The following RNFT2 variants were observed in gnomAD, a reference collection of about 807,000 sequenced individuals.
The protein encoded by RNFT2 is ring finger protein, transmembrane 2, also known as E3 ubiquitin-protein ligase RNFT2.
Under a neutral mutation model 53.0 loss-of-function variants are expected in RNFT2, and 36 were observed. The observed-to-expected ratio is 0.68, with a 90% confidence interval of 0.52 to 0.90. RNFT2 has a LOEUF of 0.90. Ranked by LOEUF, RNFT2 falls within the 40% of genes least tolerant of loss-of-function variation. The pLI is 0.00. For missense variants in RNFT2, 514 were observed against 585.6 expected (o/e 0.88, Z 1.26); for synonymous variants, 260 against 253.2 (o/e 1.03, Z -0.26).
intron 7 of RNFT2, among the ~76,000 whole-genome samples, chr12:116,813,170 G>T (rs1029714139): frequency 6.6e-6 from 1 of 151,638 alleles, no homozygotes; most frequent in Non-Finnish European, 1.5e-5. Flanking sequence ...TGTTATCCAG[G>T]TTGGCCTTGA....
chr12:116,774,297 TTTATG>T (rs540683310), intron 6 of RNFT2, among the ~76,000 whole-genome samples: 1 of 152,156 alleles, frequency 6.6e-6, no homozygotes, highest in African/African-American at 2.4e-5. Flanking sequence ...GACGGTACCT[TTTATG>T]TTATGTGTGT....
intron 5 of RNFT2, among the ~76,000 whole-genome samples, chr12:116,762,849 T>C (rs1199981577): frequency 6.6e-6 from 1 of 152,156 alleles, no homozygotes; most frequent in Non-Finnish European, 1.5e-5. Context: ...TGACCTCAGG[T>C]GATCCGACCA....
chr12:116,759,491 C>G (rs1872615104), intron 5 of RNFT2, among the ~76,000 whole-genome samples: 1 of 152,142 alleles, frequency 6.6e-6, no homozygotes, highest in Non-Finnish European at 1.5e-5. Flanking sequence ...TGGGTAGACT[C>G]CGTCAGACGG....
At position 116,772,043 on chromosome 12, in the gene RNFT2, GT is replaced by G. The variant is rs1873224443; in HGVS notation, c.728+5130del. 4.6e-5 allele frequency among the ~76,000 whole-genome samples: 7 copies of G among 152,180 alleles called. No individual in the cohort carries two copies. In the South Asian group the frequency reaches 1.5e-3, roughly 32 times the overall value. Reference sequence around the variant, plus strand: ...TTTCCCCTGGTGCCTATACAATGCTGTCCCATAGTTGCTGCCCCATCAATAT... The same window carrying G: ...TTTCCCCTGGTGCCTATACAATGCTGCCCATAGTTGCTGCCCCATCAATAT... On this transcript the variant is annotated intron_variant, in intron 6 of 10. Transcript: ENST00000257575.
In RNFT2 at chr12:116,741,058, G is replaced by A. The variant is rs1366069484; in HGVS notation, c.47G>A (p.Arg16His). 6.8e-6 allele frequency: 11 copies of A among 1,610,774 alleles called. No homozygotes were observed. The highest frequency in any genetic ancestry group is 1.1e-5 in the South Asian group (1 of 90,286). Residue 16 changes from arginine (R) to histidine (H), a missense_variant, in exon 3 of 11, where the codon CGC becomes CAC. Coordinates refer to ENST00000257575, the MANE Select transcript of RNFT2 (RefSeq NM_001382266.1). ...VNQVLRKMQR[R>H]HSSNTDNIPP... ...TAGGTGTTAAGGAAGATGCAGAGAC[G>A]CCACAGCAGCAACACGGATAACATT...
At chr12:116,804,073 C>G (rs10735097) in intron 7 of RNFT2, among the ~76,000 whole-genome samples, 142,406 of 152,304 alleles carry the variant, frequency 0.94, 66,649 homozygotes, top group African/African-American at 0.97. Context: ...CTTCCCTAGA[C>G]GTTACCACTG....
At chr12:116,840,634 G>A (rs1877202837) in intron 10 of RNFT2, among the ~76,000 whole-genome samples, 1 of 152,144 alleles carries the variant, frequency 6.6e-6, no homozygotes, top group Non-Finnish European at 1.5e-5. Flanking sequence ...ATGCTTTGAG[G>A]GCTTATTGAG....
At chr12:116,742,404 G>A (rs887738084) in intron 3 of RNFT2, among the ~76,000 whole-genome samples, 3 of 151,732 alleles carry the variant, frequency 2.0e-5, no homozygotes, top group Non-Finnish European at 4.4e-5. Context: ...CGAGTAGCTG[G>A]GACTAAAGGC....
chr12:116,805,121 C>CTT (rs35830752), intron 7 of RNFT2, among the ~76,000 whole-genome samples: 18,703 of 143,276 alleles, frequency 0.13, 2,893 homozygotes, highest in African/African-American at 0.35. Context: ...AAGACATTGT[C>CTT]TTTTTTTTTT....
At chr12:116,816,351 A>G (rs1592975838) in intron 7 of RNFT2, among the ~76,000 whole-genome samples, 2 of 152,014 alleles carry the variant, frequency 1.3e-5, no homozygotes, top group East Asian at 3.9e-4. Context: ...TGACAGGAAG[A>G]TTTTTACTCA....
intron 7 of RNFT2, among the ~76,000 whole-genome samples, chr12:116,788,615 T>C (rs1874047893): frequency 6.6e-6 from 1 of 152,138 alleles, no homozygotes; most frequent in African/African-American, 2.4e-5. Context: ...CTCTGCTTGA[T>C]TGTAACCTCT....
rs753377670 is a variant in RNFT2 at position 116,833,921 on chromosome 12, G to A, written c.1012G>A (p.Val338Ile). The change falls in exon 8 of 11, where the codon GTT becomes ATT. Residue 338 changes from valine to isoleucine, a missense_variant. Physicochemically the swap from Val to Ile is conservative, Grantham distance 29. Transcript: ENST00000257575. ...CTACTTCCTGGGCGGGGTCCTGATC[G>A]TTCTCTACAGCCTCTGCAAGGTGAG... ...NSYFLGGVLIVLYSLCKSFDI... is the reference protein window; with the variant it reads ...NSYFLGGVLIILYSLCKSFDI... 125 of 1,610,452 alleles carry A rather than the reference G, an allele frequency of 7.8e-5. No homozygotes were observed. Among genetic ancestry groups the A allele is most frequent in the South Asian group, 7.7e-4 (70 of 90,358 alleles).
intron 5 of RNFT2, among the ~76,000 whole-genome samples, chr12:116,754,294 T>G (rs1872394800): frequency 6.6e-6 from 1 of 152,202 alleles, no homozygotes; most frequent in Non-Finnish European, 1.5e-5. Context: ...CAAGTGCTGT[T>G]AATTCATTCC....
rs73407286 is a variant in RNFT2, at chr12:116,851,024, G to C, written c.*1576G>C. The C allele has an allele frequency of 0.04, 6,121 of 152,210 alleles. 263 individuals carry two copies. Among genetic ancestry groups the C allele is most frequent in the African/African-American group, 0.11 (4,705 of 41,502 alleles). The allele number at this position is 152,210 out of a possible 1,614,324, so 9.4% of individuals were successfully genotyped here. A position where few individuals can be genotyped will look rare whatever the true frequency, so the allele number is the denominator to read the frequency against. On this transcript the variant is annotated 3_prime_UTR_variant, in exon 11 of 11. Transcript: ENST00000257575. ...ACTTCATGCGCAGCAGGCAAAGCAT[G>C]CAGCATCCTGCTTGGATTACGTGCT...
intron 7 of RNFT2, among the ~76,000 whole-genome samples, chr12:116,794,818 G>A (rs866276744): frequency 5.9e-5 from 9 of 151,968 alleles, no homozygotes; most frequent in South Asian, 2.1e-4. Flanking sequence ...CATGGAGTTC[G>A]GCTCGGCCAC....
chr12:116,752,534 C>T (rs1019889196), intron 4 of RNFT2, among the ~76,000 whole-genome samples: 1 of 152,138 alleles, frequency 6.6e-6, no homozygotes, highest in African/African-American at 2.4e-5. Flanking sequence ...AGAAATACAG[C>T]TTCTACAAAG....
Position 116,849,505 on chromosome 12 carries a change from C to G in RNFT2, c.*57C>G. 6.6e-7 allele frequency: 1 copy of G among 1,521,076 alleles called. No homozygotes were observed. The highest frequency in any genetic ancestry group is 1.2e-5 in the South Asian group (1 of 81,278). The allele number at this position is 1,521,076 out of a possible 1,614,324, so 94.2% of individuals were successfully genotyped here. On this transcript the variant is annotated 3_prime_UTR_variant, in exon 11 of 11. Coordinates refer to ENST00000257575, the MANE Select transcript of RNFT2 (RefSeq NM_001382266.1). ...CAAGGGTCAGCATGCCCGGACCCAGCCCTGCGGGGGCTTCCTGAGAAACAG... is the reference window on the plus strand; with the variant it reads ...CAAGGGTCAGCATGCCCGGACCCAGGCCTGCGGGGGCTTCCTGAGAAACAG...
At chr12:116,777,640 C>G (rs1873494618) in intron 6 of RNFT2, among the ~76,000 whole-genome samples, 1 of 152,116 alleles carries the variant, frequency 6.6e-6, no homozygotes, top group Admixed American at 6.5e-5. Flanking sequence ...TCCTCATCTG[C>G]AAAATGGGGT....
rs1222913011 is a variant in RNFT2, at chr12:116,750,019, T to C, written c.262T>C (p.Phe88Leu). The change falls in exon 4 of 11, where the codon TTC (phenylalanine) becomes CTC (leucine). Residue 88 changes from phenylalanine (F) to leucine (L), a missense_variant. Coordinates refer to ENST00000257575, the MANE Select transcript of RNFT2 (RefSeq NM_001382266.1). ...LGSSAGGGDVFIQMPASREEG... is the reference protein window; with the variant it reads ...LGSSAGGGDVLIQMPASREEG... The stretch of plus-strand genomic sequence containing the variant: ...CTCCTCGGCTGGCGGCGGGGACGTG[T>C]TCATCCAGATGCCCGCGTCCAGGGA... 6 of 1,553,894 alleles carry C rather than the reference T, an allele frequency of 3.9e-6. No individual in the cohort carries two copies. The highest frequency in any genetic ancestry group is 1.4e-5 in the African/African-American group (1 of 73,176).
Sources: allele counts gnomAD v4.1 joint callset (sites outside exome capture counted in the v4.1 genomes callset), GRCh38; gene constraint gnomAD v4.1.1; transcripts MANE v1.5; gene names NCBI Gene and HGNC (gene_info 2026-07-23, HGNC 2026-07-21).